The following MAN2A1 variants were observed in gnomAD, a reference collection of about 807,000 sequenced individuals.
MAN2A1 encodes the protein mannosidase alpha class 2A member 1.
In MAN2A1, 76 loss-of-function variants were observed where a neutral mutation model predicts 142.6. The ratio of observed to expected loss-of-function variants is 0.53; its 90% CI spans 0.44 to 0.65. MAN2A1 has a LOEUF of 0.65. Ranked by LOEUF, MAN2A1 falls within the 30% of genes least tolerant of loss-of-function variation. The probability of loss-of-function intolerance (pLI) is 0.00; values close to 1 mark genes in which losing one functional copy is unlikely to be tolerated. For missense variants in MAN2A1, 1,311 were observed against 1,365.1 expected, an observed-to-expected ratio of 0.96 and a Z score of 0.62; for synonymous variants, 559 against 473.2, an observed-to-expected ratio of 1.18 and a Z score of -2.35.
intron 12 of MAN2A1, among the ~76,000 whole-genome samples, chr5:109,813,522 C>T (rs919948992): frequency 6.6e-6 from 1 of 152,304 alleles, no homozygotes; most frequent in East Asian, 1.9e-4. Context: ...AAAGGTTGCC[C>T]CACAGGGGTT....
At chr5:109,841,738 A>G (rs1755210983) in intron 16 of MAN2A1, among the ~76,000 whole-genome samples, 1 of 152,248 alleles carries the variant, frequency 6.6e-6, no homozygotes, top group Non-Finnish European at 1.5e-5. Context: ...ACTAAACTCA[A>G]CTAAAATTGA....
At chr5:109,693,531 A>G (rs903738817) in intron 1 of MAN2A1, among the ~76,000 whole-genome samples, 1 of 152,052 alleles carries the variant, frequency 6.6e-6, no homozygotes, top group African/African-American at 2.4e-5. Flanking sequence ...TCTATCTTGT[A>G]AACAAGATAT....
chr5:109,706,866 C>T (rs1397025081), intron 1 of MAN2A1, among the ~76,000 whole-genome samples: 1 of 152,042 alleles, frequency 6.6e-6, no homozygotes, highest in East Asian at 1.9e-4. Flanking sequence ...ATATTATAAA[C>T]ATATATATCT....
At chr5:109,713,807 T>C (rs77912556) in intron 2 of MAN2A1, 33 bp downstream of exon 2, 2 of 521,972 alleles carry the variant, frequency 3.8e-6, no homozygotes, top group Non-Finnish European at 5.4e-6. Context: ...ATCACTGGCC[T>C]TTTTTTTTTT....
At chr5:109,796,090 T>C (rs1753853935) in intron 12 of MAN2A1, among the ~76,000 whole-genome samples, 1 of 152,244 alleles carries the variant, frequency 6.6e-6, no homozygotes. Flanking sequence ...AAAAACCCTT[T>C]TTTATGAAGT....
intron 8 of MAN2A1, 53 bp downstream of exon 8, chr5:109,775,018 A>G: frequency 8.1e-7 from 1 of 1,230,166 alleles, no homozygotes; most frequent in Non-Finnish European, 1.2e-6. Context: ...TTTATTATTA[A>G]ATGAGACTAT....
intron 15 of MAN2A1, among the ~76,000 whole-genome samples, chr5:109,821,397 A>G (rs1369039558): frequency 1.3e-5 from 2 of 152,206 alleles, no homozygotes; most frequent in African/African-American, 4.8e-5. Context: ...TTCAAAAAGA[A>G]TGCTACAATG....
intron 18 of MAN2A1, among the ~76,000 whole-genome samples, chr5:109,847,249 C>T (rs1755366371): frequency 6.6e-6 from 1 of 152,144 alleles, no homozygotes; most frequent in South Asian, 2.1e-4. Flanking sequence ...ATCTCACTTC[C>T]TGGAAATGTG....
chr5:109,783,226 AAAAC>A (rs75366977), intron 9 of MAN2A1, among the ~76,000 whole-genome samples: 1 of 152,150 alleles, frequency 6.6e-6, no homozygotes, highest in Non-Finnish European at 1.5e-5. Context: ...CTGCTGCATT[AAAAC>A]AAACCAAAAA....
chr5:109,738,428 A>G (rs1217529991), intron 4 of MAN2A1, among the ~76,000 whole-genome samples: 2 of 151,814 alleles, frequency 1.3e-5, no homozygotes, highest in Non-Finnish European at 2.9e-5. Flanking sequence ...TCTCTTTTTT[A>G]TAATTAATAT....
intron 1 of MAN2A1, 128 bp from the exon 2 acceptor site, chr5:109,713,392 A>T: frequency 1.5e-6 from 1 of 648,596 alleles, no homozygotes. Context: ...TCCCACTTAT[A>T]AAAGTGGAAA....
At chr5:109,829,285 C>G (rs1719878469) in intron 16 of MAN2A1, among the ~76,000 whole-genome samples, 2 of 152,132 alleles carry the variant, frequency 1.3e-5, no homozygotes, top group African/African-American at 4.8e-5. Context: ...AAGTGACTGC[C>G]TAATGATTTT....
Position 109,820,202 on chromosome 5 carries a change from AT to A in MAN2A1, c.2329-10del, listed in dbSNP as rs748736879. Reference sequence around the variant, plus strand: ...TCTTAGTGGTGAGTTGCTTATTATTATTTTTTTTAATCTTTAGCAAATGATG... The same window carrying A: ...TCTTAGTGGTGAGTTGCTTATTATTATTTTTTTAATCTTTAGCAAATGATG... On this transcript the variant is annotated splice_polypyrimidine_tract_variant and intron_variant, in intron 14 of 21. Coordinates refer to ENST00000261483, the MANE Select transcript of MAN2A1 (RefSeq NM_002372.4). 154 of 1,583,054 alleles carry A rather than the reference AT, an allele frequency of 9.7e-5. No individual in the cohort carries two copies. Among genetic ancestry groups the A allele is most frequent in the African/African-American group, 1.9e-4 (14 of 73,754 alleles).
chr5:109,774,577 A>C (rs1211852657), intron 7 of MAN2A1, among the ~76,000 whole-genome samples: 2 of 152,134 alleles, frequency 1.3e-5, no homozygotes, highest in Non-Finnish European at 2.9e-5. Context: ...AGAATTTATG[A>C]ATATTTTTAA....
At chr5:109,726,344 A>G (rs1370958) in intron 3 of MAN2A1, among the ~76,000 whole-genome samples, 113,010 of 152,124 alleles carry the variant, frequency 0.74, 43,180 homozygotes, top group East Asian at 0.94. Context: ...GTGTAAAAGG[A>G]AATACTTGAT....
intron 5 of MAN2A1, among the ~76,000 whole-genome samples, chr5:109,761,860 A>T (rs895288673): frequency 2.0e-5 from 3 of 152,042 alleles, no homozygotes; most frequent in African/African-American, 7.2e-5. Context: ...CTAAAATGTA[A>T]ATTGTATTAT....
rs369776819 is a variant in MAN2A1 at position 109,819,712 on chromosome 5, A to T, written c.2153A>T (p.Tyr718Phe). ...AHIPPLGLKV[Y>F]KILESASSNS... ...ATACCGCCATTGGGACTGAAAGTGT[A>T]TAAGATTTTGGAATCAGCAAGTTCA... The change falls in exon 14 of 22, where the codon TAT becomes TTT. Residue 718 changes from tyrosine (Y) to phenylalanine (F), a missense_variant. Physicochemically the swap from Tyr to Phe is conservative, Grantham distance 22 (BLOSUM62 3). This residue lies in a region of MAN2A1 where 890 missense variants were observed against 920.5 expected (regional missense o/e 0.97). Transcript: ENST00000261483. 5.0e-6 allele frequency: 8 copies of T among 1,612,040 alleles called. No individual in the cohort carries two copies. The African/African-American group carries it at 8.0e-5, about 16-fold the overall frequency.
intron 12 of MAN2A1, among the ~76,000 whole-genome samples, chr5:109,800,023 G>A (rs1457880129): frequency 6.6e-6 from 1 of 151,280 alleles, no homozygotes; most frequent in Non-Finnish European, 1.5e-5. Flanking sequence ...GGGAGGTGGA[G>A]GTTACAGTGA....
chr5:109,804,263 C>T (rs1754105947), intron 12 of MAN2A1: 3 of 987,300 alleles, frequency 3.0e-6, no homozygotes, highest in African/African-American at 1.7e-5. Context: ...CTTCAGAACA[C>T]CTCACAACTT....
Sources: gnomAD v4.1 joint callset for allele counts (sites outside exome capture counted in the v4.1 genomes callset) on GRCh38, gnomAD v4.1.1 for gene constraint, gnomAD v4.1.1 regional missense constraint, MANE v1.5 for transcripts, NCBI Gene and HGNC (gene_info 2026-07-23, HGNC 2026-07-21) for gene names.